Variants in MOB3B observed in about 807,000 individuals in gnomAD.
The protein encoded by MOB3B is MOB kinase activator-like 2B.
A neutral mutation model predicts 18.7 loss-of-function variants in MOB3B; 7 were observed. That is an observed-to-expected ratio of 0.37 (90% CI 0.21 to 0.70). The LOEUF is 0.70. Among genes scored for constraint, MOB3B ranks in the 30% least tolerant of loss-of-function variants. The pLI is 0.52. For missense variants in MOB3B, 253 were observed against 281.3 expected (o/e 0.90, Z 0.72); for synonymous variants, 111 against 99.9 (o/e 1.11, Z -0.66).
chr9:27,367,520 C>T (rs1266291110), intron 2 of MOB3B, among the ~76,000 whole-genome samples: 6 of 152,162 alleles, frequency 3.9e-5, no homozygotes, highest in Admixed American at 3.3e-4. Context: ...TGCTGCTTGC[C>T]CTTAAGCAAC....
intron 2 of MOB3B, among the ~76,000 whole-genome samples, chr9:27,443,897 A>C (rs894815444): frequency 2.6e-5 from 4 of 152,186 alleles, no homozygotes; most frequent in South Asian, 4.1e-4. Context: ...TTATCCTTTC[A>C]GAACAGTGAA....
intron 2 of MOB3B, 92 bp from the exon 3 acceptor site, chr9:27,359,328 C>T (rs1410525721): frequency 9.1e-7 from 1 of 1,095,200 alleles, no homozygotes; most frequent in African/African-American, 1.6e-5. Context: ...GAGGGCAATG[C>T]TACAGGGAGA....
At chr9:27,377,422 C>T (rs551887106) in intron 2 of MOB3B, among the ~76,000 whole-genome samples, 96 of 152,204 alleles carry the variant, frequency 6.3e-4, no homozygotes, top group African/African-American at 2.1e-3. Context: ...GCTAGAGAGC[C>T]GGGCTTGGTC....
intron 2 of MOB3B, among the ~76,000 whole-genome samples, chr9:27,444,201 AAAAG>A (rs1262149632): frequency 1.2e-4 from 17 of 145,162 alleles, no homozygotes; most frequent in East Asian, 4.2e-4. Flanking sequence ...GAAAGAAAGA[AAAAG>A]AAAGAAAGAA....
rs763477398 is a variant in MOB3B, at chr9:27,524,584, T to C, written c.-199+4971A>G. On this transcript the variant is annotated intron_variant, in intron 1 of 3. Coordinates refer to ENST00000262244, the MANE Select transcript of MOB3B (RefSeq NM_024761.5). Reference sequence around the variant, plus strand: ...TACACCCAACCTATGAAGAGGGACATCAAGAAGGCCTTCTATGAAATGTCC... The same window carrying C: ...TACACCCAACCTATGAAGAGGGACACCAAGAAGGCCTTCTATGAAATGTCC... 3 of 1,613,988 alleles carry C rather than the reference T, an allele frequency of 1.9e-6. No homozygotes were observed. The South Asian group carries it at 3.3e-5, about 18-fold the overall frequency.
chr9:27,345,898 GA>G (rs1327663223), intron 3 of MOB3B, among the ~76,000 whole-genome samples: 2 of 152,208 alleles, frequency 1.3e-5, no homozygotes, highest in Admixed American at 6.5e-5. Flanking sequence ...CAGATCATCA[GA>G]ATCTAGTTGA....
intron 1 of MOB3B, among the ~76,000 whole-genome samples, chr9:27,464,192 C>T (rs1045479421): frequency 4.0e-5 from 6 of 150,836 alleles, no homozygotes; most frequent in African/African-American, 1.2e-4. Flanking sequence ...TGTGTGTTTA[C>T]GAATAAGAAA....
chr9:27,388,991 T>G (rs1459444119), intron 2 of MOB3B, among the ~76,000 whole-genome samples: 13 of 152,232 alleles, frequency 8.5e-5, no homozygotes, highest in Admixed American at 2.0e-4. Flanking sequence ...CTTGACAATT[T>G]CTAATGAATT....
intron 2 of MOB3B, chr9:27,421,079 G>A (rs1003690957): frequency 1.7e-4 from 26 of 153,256 alleles, no homozygotes; most frequent in African/African-American, 4.3e-4. Context: ...ACATGGAAGA[G>A]CGGTATTCTC....
At chr9:27,487,082 G>A (rs1415535453) in intron 1 of MOB3B, among the ~76,000 whole-genome samples, 1 of 151,842 alleles carries the variant, frequency 6.6e-6, no homozygotes, top group Non-Finnish European at 1.5e-5. Flanking sequence ...AGTGAGCCAA[G>A]GTCTCACCAT....
intron 1 of MOB3B, among the ~76,000 whole-genome samples, chr9:27,522,673 G>C (rs1374947754): frequency 6.6e-6 from 1 of 151,812 alleles, no homozygotes; most frequent in Non-Finnish European, 1.5e-5. Flanking sequence ...TTACAGCTAA[G>C]TCTTTAAGGG....
At chr9:27,503,408 T>C (rs1867494) in intron 1 of MOB3B, among the ~76,000 whole-genome samples, 150,881 of 152,354 alleles carry the variant, frequency 0.99, 74,725 homozygotes, top group East Asian at 1. Context: ...CGCAAATTAA[T>C]AAGTTACCAT....
At chr9:27,438,491 T>G (rs1192514770) in intron 2 of MOB3B, among the ~76,000 whole-genome samples, 1 of 152,204 alleles carries the variant, frequency 6.6e-6, no homozygotes, top group Non-Finnish European at 1.5e-5. Context: ...ATGGGCAAAG[T>G]GCTGGGGCAA....
intron 1 of MOB3B, among the ~76,000 whole-genome samples, chr9:27,467,151 G>C (rs1819396671): frequency 6.6e-6 from 1 of 152,126 alleles, no homozygotes; most frequent in Non-Finnish European, 1.5e-5. Flanking sequence ...ATGAAATTGA[G>C]TCAGACATGT....
chr9:27,520,456 C>G (rs1820306727), intron 1 of MOB3B, among the ~76,000 whole-genome samples: 1 of 152,176 alleles, frequency 6.6e-6, no homozygotes, highest in Non-Finnish European at 1.5e-5. Context: ...ATTTAGGAGT[C>G]AAAATGTTTC....
intron 1 of MOB3B, chr9:27,524,708 C>G (rs1250234610): frequency 6.2e-7 from 1 of 1,613,784 alleles, no homozygotes. Flanking sequence ...AAGCAGAGTA[C>G]CTGAACCAAT....
At chr9:27,494,902 G>C (rs374618013) in intron 1 of MOB3B, among the ~76,000 whole-genome samples, 10 of 152,180 alleles carry the variant, frequency 6.6e-5, no homozygotes, top group African/African-American at 9.7e-5. Flanking sequence ...TGAAGATCTT[G>C]TTAAAATGCA....
At chr9:27,432,928 A>G (rs958590969) in intron 2 of MOB3B, among the ~76,000 whole-genome samples, 7 of 152,214 alleles carry the variant, frequency 4.6e-5, no homozygotes, top group Non-Finnish European at 1.0e-4. Flanking sequence ...ATATTCCCCA[A>G]TTACATGGAA....
chr9:27,446,540 A>G (rs1315922814), intron 2 of MOB3B, among the ~76,000 whole-genome samples: 1 of 152,214 alleles, frequency 6.6e-6, no homozygotes, highest in East Asian at 1.9e-4. Flanking sequence ...TGAAGGGAAC[A>G]TGGATGATCA....
Sources: allele counts gnomAD v4.1 joint callset (sites outside exome capture counted in the v4.1 genomes callset), GRCh38; gene constraint gnomAD v4.1.1; transcripts MANE v1.5; gene names NCBI Gene and HGNC (gene_info 2026-07-23, HGNC 2026-07-21).